Variants in LURAP1 observed in about 807,000 individuals in gnomAD.
LURAP1 encodes NF-kappa-B activator C1orf190.
LURAP1 carries 14 observed loss-of-function variants against 19.0 expected under a neutral mutation model. That is an observed-to-expected ratio of 0.74 (90% CI 0.49 to 1.15). The LOEUF (loss-of-function observed/expected upper bound fraction) is 1.15. Among genes scored for constraint, LURAP1 ranks in the 50% most tolerant of loss-of-function variants. The pLI, the probability that LURAP1 is intolerant of heterozygous loss-of-function variation, is 0.00. For synonymous variants in LURAP1, 129 were observed against 131.8 expected (o/e 0.98, Z 0.14); for missense variants, 273 against 309.1 (o/e 0.88, Z 0.87).
At chr1:46,209,541 T>G (rs1200124306) in intron 1 of LURAP1, among the ~76,000 whole-genome samples, 3 of 131,798 alleles carry the variant, frequency 2.3e-5, no homozygotes, top group Admixed American at 1.6e-4. Flanking sequence ...TGTTTTCTTT[T>G]TTTTTTTCTT....
In LURAP1 at chr1:46,217,127, C is replaced by G. The variant is rs376154363; in HGVS notation, c.199-2572C>G. Among the ~76,000 whole-genome samples, 78 of 152,148 alleles carry G rather than the reference C, an allele frequency of 5.1e-4. 1 individual carries two copies. The South Asian group carries it at 0.015, about 29-fold the overall frequency. ...AAAAGAAGATATGGAATCTAAGAAA[C>G]GAGGGATCCAGCTAAGGAAAGAGGC... is the stretch of plus-strand genomic sequence containing the variant. On this transcript the variant is annotated intron_variant, in intron 1 of 1. Transcript: ENST00000371980.
rs1376864444 is a variant in LURAP1, at chr1:46,220,490, C to T, written c.*270C>T. 5.3e-6 allele frequency: 2 copies of T among 375,632 alleles called. No individual in the cohort carries two copies. Among genetic ancestry groups the T allele is most frequent in the African/African-American group, 2.1e-5 (1 of 48,376 alleles). The allele number at this position is 375,632 out of a possible 1,614,324, so 23.3% of individuals were successfully genotyped here. A position where few individuals can be genotyped will look rare whatever the true frequency, so the allele number is the denominator to read the frequency against. On this transcript the variant is annotated 3_prime_UTR_variant, in exon 2 of 2. Coordinates refer to ENST00000371980, the MANE Select transcript of LURAP1 (RefSeq NM_001013615.3). ...TGTTACCCAAGATAGAGAGCAGTGG[C>T]ATGATCACAGCTCACTGCAGCCTTG...
In LURAP1 at chr1:46,219,885, A is replaced by G; in HGVS notation, c.385A>G (p.Ser129Gly). ...CCGCTCAAGGCGAGGCAGCTGGGAC[A>G]GCCTGCCAGACACCAGCACCACCGA... is the stretch of plus-strand genomic sequence containing the variant. ...PGRSRRGSWD[S>G]LPDTSTTDRL... The change falls in exon 2 of 2, where the codon AGC (serine) becomes GGC (glycine). Residue 129 changes from serine to glycine, a missense_variant. Physicochemically the swap from Ser to Gly is moderately conservative, Grantham distance 56. Coordinates refer to ENST00000371980, the MANE Select transcript of LURAP1 (RefSeq NM_001013615.3). 1.2e-6 allele frequency: 2 copies of G among 1,613,856 alleles called. No homozygotes were observed. The highest frequency in any genetic ancestry group is 3.3e-4 in the Middle Eastern group (2 of 6,060).
At chr1:46,208,552 C>G (rs1397611988) in intron 1 of LURAP1, among the ~76,000 whole-genome samples, 12 of 152,156 alleles carry the variant, frequency 7.9e-5, no homozygotes, top group Admixed American at 6.6e-4. Flanking sequence ...GTTCAAGATA[C>G]CAGATTGAGG....
Position 46,203,574 on chromosome 1 carries a change from A to G in LURAP1, c.148A>G (p.Ser50Gly). Residue 50 changes from serine (S) to glycine (G), a missense_variant, in exon 1 of 2, where the codon AGC becomes GGC. Transcript: ENST00000371980. Reference protein sequence around the residue: ...SGALLLPGASSTGHDLGDKIM... With the variant: ...SGALLLPGASGTGHDLGDKIM... ...CGCCCTGCTGCTCCCAGGGGCGTCTAGCACCGGCCACGACTTGGGGGACAA... is the reference window on the plus strand; with the variant it reads ...CGCCCTGCTGCTCCCAGGGGCGTCTGGCACCGGCCACGACTTGGGGGACAA... 2 of 1,578,078 alleles carry G rather than the reference A, an allele frequency of 1.3e-6. No homozygotes were observed. The highest frequency in any genetic ancestry group is 1.7e-6 in the Non-Finnish European group (2 of 1,165,540).
intron 1 of LURAP1, among the ~76,000 whole-genome samples, chr1:46,211,592 A>C (rs1658898131): frequency 6.6e-6 from 1 of 152,158 alleles, no homozygotes; most frequent in African/African-American, 2.4e-5. Flanking sequence ...TATGCATGTT[A>C]ATATGTTCCT....
At chr1:46,212,029 C>A (rs918568993) in intron 1 of LURAP1, among the ~76,000 whole-genome samples, 1 of 151,874 alleles carries the variant, frequency 6.6e-6, no homozygotes, top group East Asian at 1.9e-4. Context: ...CCCAAAGTGC[C>A]GGGATTACAG....
At chr1:46,215,928 C>A (rs1340328145) in intron 1 of LURAP1, among the ~76,000 whole-genome samples, 1 of 151,974 alleles carries the variant, frequency 6.6e-6, no homozygotes, top group Non-Finnish European at 1.5e-5. Flanking sequence ...TGGAACAATG[C>A]CTTAACCCCT....
At position 46,214,664 on chromosome 1, in the gene LURAP1, A is replaced by G. The variant is rs146358719; in HGVS notation, c.199-5035A>G. On this transcript the variant is annotated intron_variant, in intron 1 of 1. Transcript: ENST00000371980. ...GTGGATCACCTGAGGTCAGGAGTTC[A>G]ATAGCAGCCTGACCAACATGGTGAA... is the stretch of plus-strand genomic sequence containing the variant. 8.2e-3 allele frequency among the ~76,000 whole-genome samples: 1,253 copies of G among 151,980 alleles called. 19 individuals are homozygous for G. Among genetic ancestry groups the G allele is most frequent in the Middle Eastern group, 0.037 (11 of 294 alleles).
chr1:46,220,088 A>T lies in LURAP1; in HGVS notation c.588A>T (p.Arg196Ser). 2 of 1,614,174 alleles carry T rather than the reference A, an allele frequency of 1.2e-6. No individual in the cohort carries two copies. Among genetic ancestry groups the T allele is most frequent in the Non-Finnish European group, 8.5e-7 (1 of 1,180,010 alleles). ...DVAATRLGSL[R>S]AVWKPPGERL... is the part of the protein sequence containing the mutation. ...CAGCCACCAGGCTAGGGAGCTTGAG[A>T]GCTGTGTGGAAGCCCCCAGGGGAGA... Residue 196 changes from arginine (R) to serine (S), a missense_variant, in exon 2 of 2, where the codon AGA (arginine) becomes AGT (serine). Transcript: ENST00000371980.
chr1:46,220,094 G>A lies in LURAP1; in HGVS notation c.594G>A (p.Val198=). 1 of 1,614,264 alleles carries A rather than the reference G, an allele frequency of 6.2e-7. No homozygotes were observed. Among genetic ancestry groups the A allele is most frequent in the Non-Finnish European group, 8.5e-7 (1 of 1,180,052 alleles). The change falls in exon 2 of 2, where the codon GTG becomes GTA. Residue 198 remains valine (V), a synonymous_variant. Coordinates refer to ENST00000371980, the MANE Select transcript of LURAP1 (RefSeq NM_001013615.3). ...CCAGGCTAGGGAGCTTGAGAGCTGTGTGGAAGCCCCCAGGGGAGAGGCTTC... is the reference window on the plus strand; with the variant it reads ...CCAGGCTAGGGAGCTTGAGAGCTGTATGGAAGCCCCCAGGGGAGAGGCTTC... The part of the protein sequence containing the change: ...AATRLGSLRA[V]WKPPGERLQG...
Position 46,220,402 on chromosome 1 carries a change from G to A in LURAP1, c.*182G>A. 1 of 626,578 alleles carries A rather than the reference G, an allele frequency of 1.6e-6. No individual in the cohort carries two copies. The highest frequency in any genetic ancestry group is 3.2e-5 in the Admixed American group (1 of 31,068). The allele number at this position is 626,578 out of a possible 1,614,324, so 38.8% of individuals were successfully genotyped here. On this transcript the variant is annotated 3_prime_UTR_variant, in exon 2 of 2. Transcript: ENST00000371980. ...TCTCTGCCTTTATCCCTCAATTATT[G>A]GGTCCCTAGAGCTAGCTTGCTCTTT...
chr1:46,203,945 T>C (rs1318812134), intron 1 of LURAP1, among the ~76,000 whole-genome samples: 3 of 152,086 alleles, frequency 2.0e-5, no homozygotes, highest in Non-Finnish European at 4.4e-5. Flanking sequence ...GCAGCACAAA[T>C]TCCCCCCGCC....
intron 1 of LURAP1, among the ~76,000 whole-genome samples, chr1:46,216,107 C>T (rs538770335): frequency 2.2e-4 from 27 of 121,120 alleles, no homozygotes; most frequent in Middle Eastern, 7.7e-3. Flanking sequence ...AGTGCAGTGG[C>T]GCGATCTCGG....
intron 1 of LURAP1, among the ~76,000 whole-genome samples, chr1:46,211,238 G>A (rs1198295908): frequency 6.6e-6 from 1 of 152,126 alleles, no homozygotes; most frequent in Non-Finnish European, 1.5e-5. Context: ...TTCCTCCAGG[G>A]TATGAGTCAG....
chr1:46,221,212 G>T lies in LURAP1; in HGVS notation c.*992G>T, dbSNP rs1571695317. ...AAGTTTCTCATTGTCAGATGTTTGTGCTTCTTTTCAGGTCTTACTTTTTAA... is the reference window on the plus strand; with the variant it reads ...AAGTTTCTCATTGTCAGATGTTTGTTCTTCTTTTCAGGTCTTACTTTTTAA... On this transcript the variant is annotated 3_prime_UTR_variant, in exon 2 of 2. Coordinates refer to ENST00000371980, the MANE Select transcript of LURAP1 (RefSeq NM_001013615.3). 2 of 152,236 alleles carry T rather than the reference G, an allele frequency of 1.3e-5. No individual in the cohort carries two copies. The highest frequency in any genetic ancestry group is 2.1e-4 in the South Asian group (1 of 4,830). The allele number at this position is 152,236 out of a possible 1,614,324, so 9.4% of individuals were successfully genotyped here.
chr1:46,217,201 G>T (rs937062974), intron 1 of LURAP1, among the ~76,000 whole-genome samples: 3 of 152,140 alleles, frequency 2.0e-5, no homozygotes, highest in African/African-American at 7.2e-5. Flanking sequence ...GAGGGCAATT[G>T]TGCAGCAAGG....
Position 46,203,363 on chromosome 1 carries a change from G to A in LURAP1, c.-64G>A. On this transcript the variant is annotated 5_prime_UTR_variant, in exon 1 of 2. Transcript: ENST00000371980. ...TTGCTCCGCTTTAGCAGCGGCGAAGGGAGGACCCCCGGGAGCCGGTCCCCG... is the reference window on the plus strand; with the variant it reads ...TTGCTCCGCTTTAGCAGCGGCGAAGAGAGGACCCCCGGGAGCCGGTCCCCG... 5.7e-6 allele frequency: 8 copies of A among 1,404,126 alleles called. No individual in the cohort carries two copies. Among genetic ancestry groups the A allele is most frequent in the Non-Finnish European group, 7.5e-6 (8 of 1,064,106 alleles). The allele number at this position is 1,404,126 out of a possible 1,614,324, so 87.0% of individuals were successfully genotyped here.
intron 1 of LURAP1, among the ~76,000 whole-genome samples, chr1:46,214,445 G>T (rs996393857): frequency 6.6e-6 from 1 of 152,056 alleles, no homozygotes; most frequent in Non-Finnish European, 1.5e-5. Context: ...TATCCTTAAA[G>T]AGATAAAAGA....
Sources: allele counts gnomAD v4.1 joint callset (sites outside exome capture counted in the v4.1 genomes callset), GRCh38; gene constraint gnomAD v4.1.1; transcripts MANE v1.5; gene names NCBI Gene and HGNC (gene_info 2026-07-23, HGNC 2026-07-21).